Variants in OSBPL9 observed in about 807,000 individuals in gnomAD.
OSBPL9 encodes the protein oxysterol binding protein like 9.
In OSBPL9, 40 loss-of-function variants were observed where a neutral mutation model predicts 106.6. That is an observed-to-expected ratio of 0.38 (90% CI 0.29 to 0.49). The LOEUF (loss-of-function observed/expected upper bound fraction) is 0.49, where lower values mean the gene tolerates loss of function less well. OSBPL9 is among the 20% of genes least tolerant of loss of function. OSBPL9 has a pLI of 0.97. For missense variants in OSBPL9, 609 were observed against 887.2 expected, an observed-to-expected ratio of 0.69 and a Z score of 3.98; for synonymous variants, 269 against 295.4, an observed-to-expected ratio of 0.91 and a Z score of 0.92.
At position 51,777,637 on chromosome 1, in the gene OSBPL9, T is replaced by A. The variant is rs535613593; in HGVS notation, c.1256+719T>A. On this transcript the variant is annotated intron_variant, in intron 15 of 23. Transcript: ENST00000428468. ...TGGCTGACATTGATAAATATATATT[T>A]TTTTTTTCTTGATGAAGATTTAAAA... is the stretch of plus-strand genomic sequence containing the variant. 3.1e-3 allele frequency among the ~76,000 whole-genome samples: 475 copies of A among 152,062 alleles called. 2 individuals are homozygous for A. The highest frequency in any genetic ancestry group is 0.01 in the African/African-American group (415 of 41,444).
intron 1 of OSBPL9, among the ~76,000 whole-genome samples, chr1:51,644,819 A>T (rs1055430471): frequency 3.3e-5 from 5 of 152,178 alleles, no homozygotes; most frequent in African/African-American, 4.8e-5. Flanking sequence ...TTCAAATCTC[A>T]GTTCTTGTAT....
chr1:51,701,008 C>T lies in OSBPL9; in HGVS notation c.242-12995C>T, dbSNP rs137953321. Among the ~76,000 whole-genome samples, 359 of 152,076 alleles carry T rather than the reference C, an allele frequency of 2.4e-3. 1 individual carries two copies. Among genetic ancestry groups the T allele is most frequent in the African/African-American group, 8.3e-3 (343 of 41,470 alleles). ...GGACTGGAGTGCAATGGCACAATCT[C>T]GGCTCACTGCAACCTCTGCCTCCCC... On this transcript the variant is annotated intron_variant, in intron 3 of 23. Transcript: ENST00000428468.
intron 1 of OSBPL9, among the ~76,000 whole-genome samples, chr1:51,651,157 G>A (rs1034091975): frequency 1.3e-5 from 2 of 152,156 alleles, no homozygotes; most frequent in African/African-American, 2.4e-5. Flanking sequence ...GAATGACAAC[G>A]AGGCAGAACA....
chr1:51,603,815 T>C (rs1462225006), intron 2 of OSBPL9, among the ~76,000 whole-genome samples: 1 of 152,098 alleles, frequency 6.6e-6, no homozygotes, highest in Non-Finnish European at 1.5e-5. Context: ...GGATATGATA[T>C]CAGTAAACCC....
intron 3 of OSBPL9, among the ~76,000 whole-genome samples, chr1:51,696,642 C>G (rs1471799168): frequency 6.6e-6 from 1 of 152,182 alleles, no homozygotes; most frequent in Admixed American, 6.5e-5. Context: ...CTATAACTTA[C>G]AAGCACATAC....
chr1:51,552,493 C>T, the OSBPL9 span, among the ~76,000 whole-genome samples: 2 of 152,188 alleles, frequency 1.3e-5, no homozygotes, highest in African/African-American at 4.8e-5. Context: ...AGCAGTCTAG[C>T]TCCAAAGTTC....
At chr1:51,746,388 G>A (rs1174139853) in intron 5 of OSBPL9, among the ~76,000 whole-genome samples, 1 of 152,166 alleles carries the variant, frequency 6.6e-6, no homozygotes, top group African/African-American at 2.4e-5. Context: ...CTGGGAAAAG[G>A]ACTGTTGATA....
At chr1:51,607,005 G>A (rs1018589224) in intron 2 of OSBPL9, among the ~76,000 whole-genome samples, 2 of 150,674 alleles carry the variant, frequency 1.3e-5, no homozygotes, top group South Asian at 2.1e-4. Context: ...AGCCGAGATC[G>A]CGCCACTGCA....
rs553034440 is a variant in OSBPL9 at position 51,714,943 on chromosome 1, A to AG, written c.318+864_318+865insG. ...CGCACCAAAGTCAGAATAGGGAAAAACAGATGTTGGGTGACATGCAACTAA... is the reference window on the plus strand; with the variant it reads ...CGCACCAAAGTCAGAATAGGGAAAAAGCAGATGTTGGGTGACATGCAACTAA... On this transcript the variant is annotated intron_variant, in intron 4 of 23. Coordinates refer to ENST00000428468, the MANE Select transcript of OSBPL9 (RefSeq NM_024586.6). Among the ~76,000 whole-genome samples the AG allele has an allele frequency of 1.4e-3, 209 of 152,306 alleles. 2 individuals carry two copies. Among genetic ancestry groups the AG allele is most frequent in the Middle Eastern group, 3.4e-3 (1 of 294 alleles).
chr1:51,599,398 T>C (rs909469473), intron 2 of OSBPL9, among the ~76,000 whole-genome samples: 10 of 152,238 alleles, frequency 6.6e-5, no homozygotes, highest in African/African-American at 2.4e-4. Flanking sequence ...GAGTTTACCA[T>C]GTGCTCCTCA....
chr1:51,520,887 C>A, the OSBPL9 span, among the ~76,000 whole-genome samples: 1 of 152,206 alleles, frequency 6.6e-6, no homozygotes, highest in Admixed American at 6.5e-5. Context: ...TCCTTGGCTT[C>A]TTTTTTGCTG....
In OSBPL9 at chr1:51,770,302, C is replaced by T. The variant is rs189070849; in HGVS notation, c.939-1768C>T. On this transcript the variant is annotated intron_variant, in intron 12 of 23. Transcript: ENST00000428468. ...GACTACAGGCGCATGCCACCACGCT[C>T]GGCTAACTTTTTGTATTTTTAGTAG... Among the ~76,000 whole-genome samples the T allele has an allele frequency of 7.9e-5, 12 of 152,204 alleles. No individual in the cohort carries two copies. The East Asian group carries it at 1.5e-3, about 20-fold the overall frequency.
At chr1:51,766,929 T>A (rs1571650136) in intron 12 of OSBPL9, among the ~76,000 whole-genome samples, 1 of 142,418 alleles carries the variant, frequency 7.0e-6, no homozygotes, top group East Asian at 2.0e-4. Flanking sequence ...AAAAAAAAAA[T>A]TAGCCAGGCA....
At chr1:51,624,607 T>A (rs968158579) in intron 1 of OSBPL9, among the ~76,000 whole-genome samples, 1 of 151,648 alleles carries the variant, frequency 6.6e-6, no homozygotes, top group Non-Finnish European at 1.5e-5. Flanking sequence ...AATAAATAAA[T>A]AAAAATAAAA....
At chr1:51,573,544 G>A (rs1390657065), upstream of OSBPL9, among the ~76,000 whole-genome samples, 6 of 146,430 alleles carry the variant, frequency 4.1e-5, no homozygotes, top group Admixed American at 6.9e-5. Context: ...GGCCAGGCAC[G>A]GTGGTTCACA....
chr1:51,748,944 G>A (rs1668620207), intron 7 of OSBPL9, among the ~76,000 whole-genome samples: 1 of 152,090 alleles, frequency 6.6e-6, no homozygotes, highest in Non-Finnish European at 1.5e-5. Context: ...AATTATCCAG[G>A]CGTGGTGGCT....
At chr1:51,553,094 C>A in the OSBPL9 span, among the ~76,000 whole-genome samples, 1 of 152,022 alleles carries the variant, frequency 6.6e-6, no homozygotes, top group African/African-American at 2.4e-5. Context: ...CCTTCAGAAC[C>A]AGAACATCTG....
chr1:51,552,380 A>T, the OSBPL9 span, among the ~76,000 whole-genome samples: 1 of 152,182 alleles, frequency 6.6e-6, no homozygotes, highest in African/African-American at 2.4e-5. Flanking sequence ...AGGAACTTAT[A>T]AGATAGAGGC....
At chr1:51,700,509 A>G (rs1300661141) in intron 3 of OSBPL9, among the ~76,000 whole-genome samples, 1 of 151,982 alleles carries the variant, frequency 6.6e-6, no homozygotes, top group Admixed American at 6.6e-5. Context: ...GACATTTTTT[A>G]TGAGTATTGG....
Sources: gnomAD v4.1 joint callset for allele counts (sites outside exome capture counted in the v4.1 genomes callset) on GRCh38, gnomAD v4.1.1 for gene constraint, MANE v1.5 for transcripts, NCBI Gene and HGNC (gene_info 2026-07-23, HGNC 2026-07-21) for gene names.